The following TENM1 variants were observed in gnomAD, a reference collection of about 807,000 sequenced individuals.
TENM1 encodes teneurin transmembrane protein 1, also known as teneurin-1.
TENM1 carries 35 observed loss-of-function variants against 174.8 expected under a neutral mutation model. That is an observed-to-expected ratio of 0.20 (90% CI 0.15 to 0.27). TENM1 has a LOEUF of 0.27. Ranked by LOEUF, TENM1 falls within the 10% of genes least tolerant of loss-of-function variation. The probability of loss-of-function intolerance (pLI) is 1.00; values close to 1 mark genes in which losing one functional copy is unlikely to be tolerated. For synonymous variants in TENM1, 781 were observed against 798.7 expected (o/e 0.98, Z 0.37); for missense variants, 1,633 against 2,130.1 (o/e 0.77, Z 4.59).
intron 18 of TENM1, among the ~76,000 whole-genome samples, chrX:124,513,455 T>C (rs1402956461): frequency 8.9e-6 from 1 of 112,321 alleles, no homozygotes; most frequent in Admixed American, 9.4e-5. Context: ...CAATTTCATC[T>C]GTAACCTTAA....
intron 1 of TENM1, among the ~76,000 whole-genome samples, chrX:124,939,382 C>T (rs1182988290): frequency 2.7e-5 from 3 of 111,475 alleles, no homozygotes; most frequent in Non-Finnish European, 3.8e-5. Flanking sequence ...ATTACCTCTG[C>T]CTTCTCCCTC....
At chrX:125,008,675 G>A in the TENM1 span, among the ~76,000 whole-genome samples, 11 of 111,998 alleles carry the variant, frequency 9.8e-5, no homozygotes, top group Non-Finnish European at 1.5e-4. Context: ...GAAATCATAA[G>A]AAACAGTCTC....
At chrX:124,981,470 G>A in the TENM1 span, among the ~76,000 whole-genome samples, 2 of 112,014 alleles carry the variant, frequency 1.8e-5, no homozygotes, top group Non-Finnish European at 3.8e-5. Context: ...GGAGGAAGCA[G>A]TAGAATTTTG....
At chrX:124,826,894 C>T (rs2056175080) in intron 3 of TENM1, among the ~76,000 whole-genome samples, 1 of 111,556 alleles carries the variant, frequency 9.0e-6, no homozygotes, top group African/African-American at 3.3e-5. Flanking sequence ...CTCACTTCCT[C>T]ATCCCTTGGT....
chrX:124,712,253 T>A (rs941882047), intron 4 of TENM1, among the ~76,000 whole-genome samples: 1 of 111,484 alleles, frequency 9.0e-6, no homozygotes, highest in Non-Finnish European at 1.9e-5. Flanking sequence ...TTTTTACTTT[T>A]CGGAGGAACT....
chrX:124,852,799 C>A (rs149922372), intron 3 of TENM1, among the ~76,000 whole-genome samples: 1 of 111,157 alleles, frequency 9.0e-6, no homozygotes, highest in Non-Finnish European at 1.9e-5. Context: ...AACACTGATA[C>A]CTTTCAAGGG....
chrX:125,040,594 A>G, the TENM1 span, among the ~76,000 whole-genome samples: 1 of 111,206 alleles, frequency 9.0e-6, no homozygotes, highest in Admixed American at 9.6e-5. Context: ...AATATGGGCA[A>G]CTCTCATCAG....
At chrX:124,434,929 A>G (rs757573091) in intron 23 of TENM1, among the ~76,000 whole-genome samples, 7 of 112,035 alleles carry the variant, frequency 6.2e-5, no homozygotes, top group East Asian at 2.8e-4. Flanking sequence ...AAATGTTACT[A>G]TGTTTTTTTA....
intron 11 of TENM1, among the ~76,000 whole-genome samples, chrX:124,622,447 G>T (rs1266121158): frequency 8.9e-6 from 1 of 112,161 alleles, no homozygotes; most frequent in Non-Finnish European, 1.9e-5. Flanking sequence ...TTTCTTTTAA[G>T]TGAAAGAAAT....
chrX:124,980,421 G>A, the TENM1 span, among the ~76,000 whole-genome samples: 2 of 110,643 alleles, frequency 1.8e-5, no homozygotes, highest in South Asian at 3.8e-4. Flanking sequence ...ACCATAAGTC[G>A]AAAATGCATT....
At chrX:124,998,734 G>A in the TENM1 span, among the ~76,000 whole-genome samples, 6 of 111,307 alleles carry the variant, frequency 5.4e-5, no homozygotes, top group Admixed American at 1.9e-4. Flanking sequence ...ATAAGACTTG[G>A]ATGTATACTT....
chrX:124,426,561 G>T (rs769945854), intron 23 of TENM1, among the ~76,000 whole-genome samples: 2 of 111,505 alleles, frequency 1.8e-5, no homozygotes, highest in African/African-American at 6.5e-5. Context: ...AGAGGACAAA[G>T]GTTGTCTTTG....
chrX:124,710,853 T>C (rs2053032174), intron 4 of TENM1, among the ~76,000 whole-genome samples: 1 of 112,096 alleles, frequency 8.9e-6, no homozygotes, highest in Admixed American at 9.5e-5. Flanking sequence ...GTCATAGGCT[T>C]TGCAGTCCAT....
rs1049727314 is a variant in TENM1, at chrX:124,555,758, A to G, written c.2434+5913T>C. Among the ~76,000 whole-genome samples, 4 of 112,314 alleles carry G rather than the reference A, an allele frequency of 3.6e-5. No individual in the cohort carries two copies. The East Asian group carries it at 1.1e-3, about 32-fold the overall frequency. On this transcript the variant is annotated intron_variant, in intron 14 of 31. Coordinates refer to ENST00000422452, the Ensembl canonical transcript of TENM1. ...TAGATAACTCATTATAAGAAGAGAC[A>G]AGATGATGCTGAAGATGAAGCCTGC...
chrX:124,895,229 C>CA (rs1178137443), intron 2 of TENM1, among the ~76,000 whole-genome samples: 1 of 111,362 alleles, frequency 9.0e-6, no homozygotes. Flanking sequence ...GTAATGGGGA[C>CA]TTATAAAATG....
rs146924181 is a variant in TENM1 at position 124,674,908 on chromosome X, T to G, written c.1016-3073A>C. On this transcript the variant is annotated intron_variant, in intron 5 of 31. Coordinates refer to ENST00000422452, the Ensembl canonical transcript of TENM1. ...TATATAACAAAAGGAATAGTAGATC[T>G]CATTTAGAAGACTAAGGGGGCTATT... Among the ~76,000 whole-genome samples, 454 of 111,848 alleles carry G rather than the reference T, an allele frequency of 4.1e-3. 3 individuals carry two copies. Among genetic ancestry groups the G allele is most frequent in the African/African-American group, 0.014 (438 of 30,861 alleles).
At position 124,819,034 on chromosome X, in the gene TENM1, G is replaced by A. The variant is rs747527681; in HGVS notation, c.535+75262C>T. On this transcript the variant is annotated intron_variant, in intron 3 of 31. Coordinates refer to ENST00000422452, the Ensembl canonical transcript of TENM1. ...GGTATGCACCCCAGGCCAATGTCAG[G>A]CAAAATAAGACAATGATGACATGAT... Among the ~76,000 whole-genome samples, 5 of 111,710 alleles carry A rather than the reference G, an allele frequency of 4.5e-5. No homozygotes were observed. In the South Asian group the frequency reaches 1.5e-3, roughly 33 times the overall value.
At chrX:125,117,218 A>G in the TENM1 span, among the ~76,000 whole-genome samples, 1 of 111,547 alleles carries the variant, frequency 9.0e-6, no homozygotes, top group East Asian at 2.8e-4. Context: ...ATTGTAAATC[A>G]TTCTACCATA....
At chrX:124,754,741 A>C (rs1335608281) in intron 3 of TENM1, among the ~76,000 whole-genome samples, 2 of 105,692 alleles carry the variant, frequency 1.9e-5, no homozygotes, top group Non-Finnish European at 3.9e-5. Flanking sequence ...TCATTTCGTT[A>C]TGTACCCAGT....
Sources: allele counts gnomAD v4.1 joint callset (sites outside exome capture counted in the v4.1 genomes callset), GRCh38; gene constraint gnomAD v4.1.1; transcripts MANE v1.5; gene names NCBI Gene and HGNC (gene_info 2026-07-23, HGNC 2026-07-21).